The following TPTE2 variants were observed in gnomAD, a reference collection of about 807,000 sequenced individuals.
The protein encoded by TPTE2 is transmembrane phosphoinositide 3-phosphatase and tensin homolog 2.
TPTE2 carries 53 observed loss-of-function variants against 78.6 expected under a neutral mutation model. The observed-to-expected ratio is 0.67, with a 90% CI of 0.54 to 0.85. TPTE2 has a LOEUF of 0.85. Among genes scored for constraint, TPTE2 ranks in the 40% least tolerant of loss-of-function variants. The pLI, the probability that TPTE2 is intolerant of heterozygous loss-of-function variation, is 0.00. For synonymous variants in TPTE2, 175 were observed against 206.2 expected, an observed-to-expected ratio of 0.85 and a Z score of 1.30; for missense variants, 461 against 623.0, an observed-to-expected ratio of 0.74 and a Z score of 2.77.
chr13:19,547,595 C>T, the TPTE2 span, among the ~76,000 whole-genome samples: 18 of 151,508 alleles, frequency 1.2e-4, no homozygotes, highest in Non-Finnish European at 2.2e-4. Flanking sequence ...AAAAGGAAAA[C>T]GGTAAAAGAA....
intron 1 of TPTE2, among the ~76,000 whole-genome samples, chr13:19,527,609 T>C (rs138689236): frequency 0.014 from 2,114 of 152,296 alleles, 19 homozygotes; most frequent in Middle Eastern, 0.034. Flanking sequence ...GTGTGGTGGC[T>C]CACGCCTGTA....
In TPTE2 at chr13:19,515,666, C is replaced by T. The variant is rs183606537; in HGVS notation, c.-43-12389G>A. 1.2e-3 allele frequency among the ~76,000 whole-genome samples: 187 copies of T among 152,146 alleles called. 2 individuals carry two copies. The highest frequency in any genetic ancestry group is 3.0e-3 in the Admixed American group (46 of 15,282). ...AAGAAGAAAGGCATCTATAGGCATCCGCTACTTTTCAGCAGGATGAATAAT... is the reference window on the plus strand; with the variant it reads ...AAGAAGAAAGGCATCTATAGGCATCTGCTACTTTTCAGCAGGATGAATAAT... On this transcript the variant is annotated intron_variant, in intron 1 of 17. Coordinates refer to the TPTE2 transcript ENST00000390680.
chr13:19,526,391 C>CAGCCTAAA (rs1159609074), intron 1 of TPTE2, among the ~76,000 whole-genome samples: 1 of 152,026 alleles, frequency 6.6e-6, no homozygotes, highest in Non-Finnish European at 1.5e-5. Flanking sequence ...TGCAGCAATC[C>CAGCCTAAA]AGCCTAAAAG....
chr13:19,472,708 G>A (rs1879701319), intron 6 of TPTE2, among the ~76,000 whole-genome samples: 1 of 152,184 alleles, frequency 6.6e-6, no homozygotes, highest in African/African-American at 2.4e-5. Flanking sequence ...TTCCTGGATA[G>A]TGTTGATGCT....
At chr13:19,481,801 C>T (rs1880374935) in intron 4 of TPTE2, among the ~76,000 whole-genome samples, 1 of 152,184 alleles carries the variant, frequency 6.6e-6, no homozygotes. Context: ...CAACAGCTTA[C>T]AACCATGGTG....
At chr13:19,477,883 G>A (rs1880071180) in intron 4 of TPTE2, among the ~76,000 whole-genome samples, 1 of 152,112 alleles carries the variant, frequency 6.6e-6, no homozygotes, top group Non-Finnish European at 1.5e-5. Flanking sequence ...GAAAAGTACT[G>A]TTCACACTCG....
In TPTE2 at chr13:19,533,329, TC is replaced by T. The variant is rs200527306; in HGVS notation, c.-44+3266del. Among the ~76,000 whole-genome samples, 786 of 152,316 alleles carry T rather than the reference TC, an allele frequency of 5.2e-3. 2 individuals are homozygous for T. Among genetic ancestry groups the T allele is most frequent in the African/African-American group, 0.018 (756 of 41,566 alleles). On this transcript the variant is annotated intron_variant, in intron 1 of 17. Coordinates refer to the TPTE2 transcript ENST00000390680. ...TCATCCCATTTCAATGTTTGATCAA[TC>T]CCATTTTTCTCCATGCAAAAGCAAG...
At chr13:19,485,155 A>C (rs890996243) in intron 3 of TPTE2, among the ~76,000 whole-genome samples, 5 of 151,932 alleles carry the variant, frequency 3.3e-5, no homozygotes, top group African/African-American at 1.2e-4. Context: ...GTAACTTTTA[A>C]AGTTTTGCAT....
At chr13:19,503,108 T>A (rs1260823549) in intron 1 of TPTE2, 116 bp downstream of exon 4, 2 of 1,441,350 alleles carry the variant, frequency 1.4e-6, no homozygotes, top group Non-Finnish European at 9.6e-7. Context: ...GAGAAGTGTG[T>A]ATGGATGGAT....
At chr13:19,459,713 C>T (rs1765347279) in intron 10 of TPTE2, among the ~76,000 whole-genome samples, 2 of 152,216 alleles carry the variant, frequency 1.3e-5, no homozygotes, top group African/African-American at 4.8e-5. Flanking sequence ...GCGGGGATTC[C>T]TGCCCAGTGA....
At chr13:19,427,735 A>C (rs1876245304) in intron 17 of TPTE2, among the ~76,000 whole-genome samples, 1 of 152,196 alleles carries the variant, frequency 6.6e-6, no homozygotes, top group Non-Finnish European at 1.5e-5. Context: ...GAACTTGACC[A>C]GTGCAGGCTG....
In TPTE2 at chr13:19,519,612, T is replaced by G. The variant is rs561446828; in HGVS notation, c.-43-16335A>C. On this transcript the variant is annotated intron_variant, in intron 1 of 17. Transcript: ENST00000390680. ...TAAATGTACGGACTTACTTCTGGAC[T>G]CTCAACTCTGTTCCATTGATCTACA... Among the ~76,000 whole-genome samples the G allele has an allele frequency of 1.6e-4, 24 of 152,306 alleles. No homozygotes were observed. The South Asian group carries it at 4.1e-3, about 26-fold the overall frequency.
intron 3 of TPTE2, among the ~76,000 whole-genome samples, chr13:19,489,735 C>T (rs865854734): frequency 7.3e-6 from 1 of 136,232 alleles, no homozygotes; most frequent in African/African-American, 2.7e-5. Flanking sequence ...TATATATATA[C>T]ACACACACAT....
At chr13:19,439,662 C>T (rs1877361436) in intron 13 of TPTE2, among the ~76,000 whole-genome samples, 1 of 152,004 alleles carries the variant, frequency 6.6e-6, no homozygotes, top group Non-Finnish European at 1.5e-5. Flanking sequence ...GCTTGGGTTG[C>T]AAGGAAGCTC....
chr13:19,450,925 G>T (rs930769901), intron 11 of TPTE2, among the ~76,000 whole-genome samples: 6 of 152,058 alleles, frequency 3.9e-5, no homozygotes, highest in Non-Finnish European at 7.4e-5. Context: ...CCCTAAAATG[G>T]TTTGCTTCCA....
chr13:19,472,541 C>T (rs1378759486), intron 6 of TPTE2, among the ~76,000 whole-genome samples: 2 of 152,136 alleles, frequency 1.3e-5, no homozygotes, highest in African/African-American at 2.4e-5. Flanking sequence ...TTAAACTTAT[C>T]TAATAGAATT....
intron 13 of TPTE2, among the ~76,000 whole-genome samples, chr13:19,443,397 C>CTTTCT (rs71198904): frequency 3.1e-5 from 4 of 129,914 alleles, no homozygotes; most frequent in African/African-American, 8.2e-5. Flanking sequence ...TTCTTTCTTT[C>CTTTCT]TTTTTTTTTT....
intron 18 of TPTE2, among the ~76,000 whole-genome samples, 185 bp from the exon 22 acceptor site, chr13:19,425,202 T>A (rs1386352442): frequency 6.6e-6 from 1 of 152,226 alleles, no homozygotes; most frequent in Non-Finnish European, 1.5e-5. Flanking sequence ...GAAAATGCTA[T>A]TGCATTCTCT....
intron 1 of TPTE2, among the ~76,000 whole-genome samples, chr13:19,510,375 G>A (rs1432465399): frequency 1.3e-5 from 2 of 152,224 alleles, no homozygotes; most frequent in South Asian, 2.1e-4. Flanking sequence ...GAAGATAGAC[G>A]AAGGGGAACT....
Sources: allele counts gnomAD v4.1 joint callset (sites outside exome capture counted in the v4.1 genomes callset), GRCh38; gene constraint gnomAD v4.1.1; transcripts MANE v1.5; gene names NCBI Gene and HGNC (gene_info 2026-07-23, HGNC 2026-07-21).